The following DOT1L variants were observed in gnomAD, a reference collection of about 807,000 sequenced individuals.
DOT1L encodes DOT1 like histone lysine methyltransferase, also known as histone-lysine N-methyltransferase, H3 lysine-79 specific.
A neutral mutation model predicts 153.3 loss-of-function variants in DOT1L; 33 were observed. The ratio of observed to expected loss-of-function variants is 0.22; its 90% CI spans 0.16 to 0.29. DOT1L has a LOEUF of 0.29. Ranked by LOEUF, DOT1L falls within the 10% of genes least tolerant of loss-of-function variation. The pLI is 1.00. For missense variants in DOT1L, 1,847 were observed against 2,119.9 expected (o/e 0.87, Z 2.53); for synonymous variants, 1,135 against 965.1 (o/e 1.18, Z -3.26).
chr19:2,199,774 T>C, intron 7 of DOT1L, 110 bp from the exon 8 acceptor site: 1 of 1,428,974 alleles, frequency 7.0e-7, no homozygotes, highest in Non-Finnish European at 9.6e-7. Context: ...CTCCTGCTCC[T>C]TCACTGCAAG....
In DOT1L at chr19:2,231,557, C is replaced by T. The variant is rs755302645; in HGVS notation, c.*1765C>T. 14 of 203,508 alleles carry T rather than the reference C, an allele frequency of 6.9e-5. No individual in the cohort carries two copies. Among genetic ancestry groups the T allele is most frequent in the East Asian group, 4.5e-4 (6 of 13,258 alleles). The allele number at this position is 203,508 out of a possible 1,614,324, so 12.6% of individuals were successfully genotyped here. ...TAGCTGAGTTCTGAAGATGGTGCTC[C>T]GGACCTGTCCTCTTAAGTGGTGCCC... is the stretch of plus-strand genomic sequence containing the variant. On this transcript the variant is annotated 3_prime_UTR_variant, in exon 28 of 28. Transcript: ENST00000398665.
At chr19:2,223,997 AC>A (rs2024228498) in intron 25 of DOT1L, among the ~76,000 whole-genome samples, 1 of 151,442 alleles carries the variant, frequency 6.6e-6, no homozygotes, top group Admixed American at 6.6e-5. Flanking sequence ...AGCCCCTGGC[AC>A]CCCCCGCCCC....
At chr19:2,227,151 GCCCCCCGCCCCGGCC>G in intron 27 of DOT1L, 24 bp downstream of exon 27, 1 of 1,553,416 alleles carries the variant, frequency 6.4e-7, no homozygotes, top group Non-Finnish European at 8.6e-7. Flanking sequence ...CCGTCCGTCC[GCCCCCCGCCCCGGCC>G]CCCGCCGGAG....
At chr19:2,228,421 C>T in intron 27 of DOT1L, 1 of 1,244,338 alleles carries the variant, frequency 8.0e-7, no homozygotes, top group South Asian at 1.4e-5. Flanking sequence ...ACTCCAGACA[C>T]TGAACTGTCC....
At position 2,199,955 on chromosome 19, in the gene DOT1L, G is replaced by T. The variant is rs764334010; in HGVS notation, c.707+16G>T. 4.3e-6 allele frequency: 7 copies of T among 1,613,442 alleles called. No homozygotes were observed. Among genetic ancestry groups the T allele is most frequent in the Non-Finnish European group, 5.9e-6 (7 of 1,179,570 alleles). ...CCAACACGAGGTATGGCCAGCGTGG[G>T]GCATGCAGGGCATGTGGGGTGTGCG... On this transcript the variant is annotated intron_variant, in intron 8 of 27. Coordinates refer to ENST00000398665, the MANE Select transcript of DOT1L (RefSeq NM_032482.3).
At position 2,197,651 on chromosome 19, in the gene DOT1L, T is replaced by A. The variant is rs1338348002; in HGVS notation, c.652-2233T>A. Among the ~76,000 whole-genome samples the A allele has an allele frequency of 6.6e-6, 1 of 152,188 alleles. No individual in the cohort carries two copies. Among genetic ancestry groups the A allele is most frequent in the African/African-American group, 2.4e-5 (1 of 41,452 alleles). Reference sequence around the variant, plus strand: ...AGCTGCGTTCGTGGTCTGGATTCCGTGCAGGTTTAGGTGCTCACGGTCAGG... The same window carrying A: ...AGCTGCGTTCGTGGTCTGGATTCCGAGCAGGTTTAGGTGCTCACGGTCAGG... On this transcript the variant is annotated intron_variant, in intron 7 of 27. Transcript: ENST00000398665. This position sits in a 1 kb window ranked among gnomAD's most constrained non-coding sequence, Gnocchi z 4.1.
Position 2,220,086 on chromosome 19 carries a change from A to G in DOT1L, c.2692-22A>G, listed in dbSNP as rs906749780. The stretch of plus-strand genomic sequence containing the variant: ...TCCTGGGGCACCTGCTGCCCCTGAC[A>G]CACAGGGTTTTCTCTCTGCAGAGGA... On this transcript the variant is annotated intron_variant, in intron 22 of 27. Transcript: ENST00000398665. This position sits in a 1 kb window ranked among gnomAD's most constrained non-coding sequence, Gnocchi z 4.5. 1.9e-6 allele frequency: 3 copies of G among 1,583,896 alleles called. No homozygotes were observed. Among genetic ancestry groups the G allele is most frequent in the South Asian group, 1.1e-5 (1 of 88,316 alleles).
In DOT1L at chr19:2,220,529, C is replaced by G. The variant is rs2144893554; in HGVS notation, c.2806+307C>G. The G allele has an allele frequency of 5.9e-6, 3 of 504,546 alleles. No homozygotes were observed. In the East Asian group the frequency reaches 1.6e-4, roughly 26 times the overall value. 31.3% of individuals were successfully genotyped at this position (504,546 alleles called of 1,614,324 possible). On this transcript the variant is annotated intron_variant, in intron 23 of 27. Coordinates refer to ENST00000398665, the MANE Select transcript of DOT1L (RefSeq NM_032482.3). This position sits in a 1 kb window ranked among gnomAD's most constrained non-coding sequence, Gnocchi z 4.5. ...CTCTCGGGGGCTCCTGTACTCACAGCTGGGAGGCCCCTGACTCAGGATCGG... is the reference window on the plus strand; with the variant it reads ...CTCTCGGGGGCTCCTGTACTCACAGGTGGGAGGCCCCTGACTCAGGATCGG...
intron 19 of DOT1L, among the ~76,000 whole-genome samples, chr19:2,215,236 A>G (rs1360828379): frequency 2.0e-5 from 3 of 152,196 alleles, no homozygotes. Context: ...ACTGCACTCC[A>G]GCCTGGGTGA....
In DOT1L at chr19:2,181,048, G is replaced by A. The variant is rs142361000; in HGVS notation, c.125+292G>A. Among the ~76,000 whole-genome samples the A allele has an allele frequency of 2.9e-3, 442 of 152,300 alleles. 4 individuals are homozygous for A. The highest frequency in any genetic ancestry group is 0.012 in the South Asian group (58 of 4,820). ...GTCTCCCTGCTGTGGGTTTTGGGCCGACCTTCACCCTCACGCGCCCTCGAC... is the reference window on the plus strand; with the variant it reads ...GTCTCCCTGCTGTGGGTTTTGGGCCAACCTTCACCCTCACGCGCCCTCGAC... On this transcript the variant is annotated intron_variant, in intron 2 of 27. Transcript: ENST00000398665.
chr19:2,227,521 G>T (rs376315845), intron 27 of DOT1L: 9 of 538,584 alleles, frequency 1.7e-5, no homozygotes, highest in Middle Eastern at 4.1e-4. Context: ...GGAGCCGCCG[G>T]GGGGAGCGGC....
intron 26 of DOT1L, 50 bp from the exon 27 acceptor site, chr19:2,226,133 G>C: frequency 1.3e-6 from 2 of 1,482,190 alleles, no homozygotes; most frequent in South Asian, 1.4e-5. Context: ...CTCATGGGTA[G>C]CCCGGGCAGG....
chr19:2,180,873 G>A (rs2144698060), intron 2 of DOT1L, 117 bp downstream of exon 2: 1 of 1,253,100 alleles, frequency 8.0e-7, no homozygotes. Flanking sequence ...TCCTGGAGGT[G>A]TTGTGAAGCG....
At chr19:2,227,674 C>T in intron 27 of DOT1L, 1 of 1,279,556 alleles carries the variant, frequency 7.8e-7, no homozygotes, top group Non-Finnish European at 1.0e-6. Context: ...CCTGCGGCTG[C>T]TGCTCTGCGC....
At chr19:2,185,139 C>T (rs1046105599) in intron 2 of DOT1L, among the ~76,000 whole-genome samples, 6 of 152,146 alleles carry the variant, frequency 3.9e-5, no homozygotes, top group South Asian at 2.1e-4. Context: ...CTCCTGACCT[C>T]GTGATCTGCC....
intron 8 of DOT1L, among the ~76,000 whole-genome samples, chr19:2,201,931 C>T (rs1414594921): frequency 1.3e-5 from 2 of 152,350 alleles, no homozygotes; most frequent in Non-Finnish European, 2.9e-5. Flanking sequence ...CTTGCACTGT[C>T]TCTGGCCTCA....
intron 8 of DOT1L, among the ~76,000 whole-genome samples, 191 bp downstream of exon 8, chr19:2,200,130 CCCAGCAGAG>C (rs1302853199): frequency 6.6e-6 from 1 of 152,126 alleles, no homozygotes; most frequent in Non-Finnish European, 1.5e-5. Context: ...AGCAGACGTG[CCCAGCAGAG>C]CCCCTGTCGG....
At chr19:2,215,073 G>A (rs934083996) in intron 19 of DOT1L, among the ~76,000 whole-genome samples, 15 of 152,036 alleles carry the variant, frequency 9.9e-5, no homozygotes, top group African/African-American at 1.9e-4. Context: ...AAAATTAGCC[G>A]GGTGTGGTGG....
intron 3 of DOT1L, among the ~76,000 whole-genome samples, chr19:2,186,733 C>T (rs1264431187): frequency 6.6e-6 from 1 of 152,258 alleles, no homozygotes; most frequent in East Asian, 1.9e-4. Context: ...GGTCAGCACC[C>T]TGGTGCCCCA....
Sources: allele counts gnomAD v4.1 joint callset (sites outside exome capture counted in the v4.1 genomes callset), GRCh38; gene constraint gnomAD v4.1.1; non-coding constraint Gnocchi (gnomAD v3.1); transcripts MANE v1.5; gene names NCBI Gene and HGNC (gene_info 2026-07-23, HGNC 2026-07-21).